KANSL1: variants seen among roughly 807,000 people sequenced by gnomAD.
KANSL1 encodes the protein KAT8 regulatory NSL complex subunit 1, also known as MLL1/MLL complex subunit KANSL1.
KANSL1 carries 22 observed loss-of-function variants against 103.6 expected under a neutral mutation model. The observed-to-expected ratio is 0.21, with a 90% CI of 0.15 to 0.30. The LOEUF (loss-of-function observed/expected upper bound fraction) is 0.30, where lower values mean the gene tolerates loss of function less well. Ranked by LOEUF, KANSL1 falls within the 10% of genes least tolerant of loss-of-function variation. The pLI is 1.00. For missense variants in KANSL1, 1,337 were observed against 1,399.8 expected, an observed-to-expected ratio of 0.96 and a Z score of 0.72; for synonymous variants, 600 against 527.6, an observed-to-expected ratio of 1.14 and a Z score of -1.88.
intron 5 of KANSL1, 117 bp downstream of exon 5, chr17:46,067,432 A>G (rs1020042455): frequency 1.4e-6 from 1 of 709,368 alleles, no homozygotes; most frequent in Non-Finnish European, 2.5e-6. Context: ...AAATGTTACT[A>G]AGTGATAAGG....
upstream of KANSL1, among the ~76,000 whole-genome samples, chr17:46,198,279 TTAAC>T (rs759528501): frequency 6.1e-5 from 9 of 147,364 alleles, no homozygotes; most frequent in Non-Finnish European, 1.2e-4. Flanking sequence ...CCTCTTAAGT[TTAAC>T]TATTATTATT....
intron 13 of KANSL1, 29 bp from the exon 14 acceptor site, chr17:46,032,328 GC>G: frequency 6.7e-7 from 1 of 1,491,472 alleles, no homozygotes; most frequent in Non-Finnish European, 8.9e-7. Context: ...AAATCTGAGT[GC>G]CTGGGAAATG....
At chr17:46,060,590 T>C (rs924090091) in intron 6 of KANSL1, among the ~76,000 whole-genome samples, 1 of 152,188 alleles carries the variant, frequency 6.6e-6, no homozygotes, top group African/African-American at 2.4e-5. Flanking sequence ...CTAACTAGTA[T>C]GAAAAAGTTG....
At chr17:46,099,197 G>A (rs1449204743) in intron 2 of KANSL1, among the ~76,000 whole-genome samples, 5 of 144,608 alleles carry the variant, frequency 3.5e-5, no homozygotes, top group East Asian at 1.9e-4. Context: ...GATGGCGGGC[G>A]CCTGTAGTCC....
chr17:46,047,749 C>A (rs2077562318), intron 7 of KANSL1, among the ~76,000 whole-genome samples: 1 of 148,904 alleles, frequency 6.7e-6, no homozygotes, highest in Non-Finnish European at 1.5e-5. Context: ...GATCACTCCA[C>A]TGAACTCCAG....
At chr17:46,139,292 A>T (rs2044301866) in intron 2 of KANSL1, among the ~76,000 whole-genome samples, 1 of 117,518 alleles carries the variant, frequency 8.5e-6, no homozygotes, top group African/African-American at 3.0e-5. Context: ...AATCTTTCAT[A>T]GGCCAAAAAA....
chr17:46,214,900 T>C (rs2148039428), intron 1 of KANSL1, among the ~76,000 whole-genome samples: 1 of 152,392 alleles, frequency 6.6e-6, no homozygotes, highest in Admixed American at 6.5e-5. Context: ...TAGTATGTCA[T>C]TTAATCTGCA....
chr17:46,134,945 G>A (rs1406730067), intron 2 of KANSL1, among the ~76,000 whole-genome samples: 2 of 152,186 alleles, frequency 1.3e-5, no homozygotes, highest in Non-Finnish European at 2.9e-5. Context: ...CAAAGTGTAG[G>A]GGGGTCTGGA....
At chr17:46,131,649 T>A (rs1167363602) in intron 2 of KANSL1, among the ~76,000 whole-genome samples, 1 of 152,146 alleles carries the variant, frequency 6.6e-6, no homozygotes, top group Non-Finnish European at 1.5e-5. Flanking sequence ...AAGCTCCACA[T>A]CCTCAAGAAG....
At chr17:46,106,782 TTTG>T (rs2042585979) in intron 2 of KANSL1, among the ~76,000 whole-genome samples, 1 of 152,198 alleles carries the variant, frequency 6.6e-6, no homozygotes, top group Admixed American at 6.5e-5. Context: ...CAAAAATTAA[TTTG>T]TTAATAAACT....
Position 46,171,645 on chromosome 17 carries a change from G to A in KANSL1, c.499C>T (p.His167Tyr), listed in dbSNP as rs1336560951. Residue 167 changes from histidine to tyrosine, a missense_variant, in exon 2 of 15, where the codon CAT (histidine) becomes TAT (tyrosine). His to Tyr is a moderately conservative substitution (Grantham distance 83). Around this residue, in one of 2 missense-constraint regions of KANSL1, gnomAD observed 557 missense variants for 476.4 expected, o/e 1.17. Transcript: ENST00000432791. ...GAAGTGGAATTGTCATGATCAGAAT[G>A]TGTTGAACTTTTAGTCAATTTCTTA... ...LAKKLTKSST[H>Y]SDHDNSTSLN... 7 of 1,557,502 alleles carry A rather than the reference G, an allele frequency of 4.5e-6. No homozygotes were observed. Among genetic ancestry groups the A allele is most frequent in the South Asian group, 1.2e-5 (1 of 82,088 alleles).
intron 6 of KANSL1, among the ~76,000 whole-genome samples, chr17:46,052,682 C>T (rs889854404): frequency 9.4e-5 from 14 of 149,514 alleles, no homozygotes; most frequent in African/African-American, 3.2e-4. Context: ...TGGTGGCTCA[C>T]AACTGTAATC....
intron 2 of KANSL1, among the ~76,000 whole-genome samples, chr17:46,150,325 T>A (rs909650440): frequency 6.6e-6 from 1 of 152,162 alleles, no homozygotes; most frequent in African/African-American, 2.4e-5. Flanking sequence ...AAAATCCATC[T>A]ATCCTCTAAG....
chr17:46,082,491 A>G lies in KANSL1; in HGVS notation c.1483T>C (p.Phe495Leu), dbSNP rs757581698. Residue 495 changes from phenylalanine (F) to leucine (L), a missense_variant, in exon 4 of 15, where the codon TTT becomes CTT. Transcript: ENST00000432791. The stretch of plus-strand genomic sequence containing the variant: ...TTCACCTCAGAACTAAGTGGAAGAA[A>G]TAAGTCTGTTGTATGCTCTGGGGGA... ...VPPPEHTTDLFLPLSSEVKTD... is the reference protein window; with the variant it reads ...VPPPEHTTDLLLPLSSEVKTD... 8.7e-6 allele frequency: 14 copies of G among 1,612,786 alleles called. No homozygotes were observed. The South Asian group carries it at 1.4e-4, about 16-fold the overall frequency.
intron 1 of KANSL1, among the ~76,000 whole-genome samples, chr17:46,214,760 T>C (rs2668695): frequency 0.14 from 21,961 of 152,164 alleles, 2,137 homozygotes; most frequent in Non-Finnish European, 0.22. Flanking sequence ...TGGAGCAAAC[T>C]AGCAATCAGT....
rs1185784828 is a variant in KANSL1 at position 46,091,313 on chromosome 17, TTG to T, written c.1431+3245_1431+3246del. Among the ~76,000 whole-genome samples the T allele has an allele frequency of 2.0e-5, 3 of 152,252 alleles. No individual in the cohort carries two copies. In the South Asian group the frequency reaches 6.2e-4, roughly 31 times the overall value. On this transcript the variant is annotated intron_variant, in intron 3 of 14. Coordinates refer to ENST00000432791, the MANE Select transcript of KANSL1 (RefSeq NM_015443.4). Reference sequence around the variant, plus strand: ...ATATTTTTGTACAATTACAATGTATTTGTGTTTTAGGCTAAGTGTTATTACAA... The same window carrying T: ...ATATTTTTGTACAATTACAATGTATTTGTTTTAGGCTAAGTGTTATTACAA...
At chr17:46,217,858 CTACAAAAAA>C (rs1360207370) in intron 1 of KANSL1, among the ~76,000 whole-genome samples, 1 of 152,278 alleles carries the variant, frequency 6.6e-6, no homozygotes, top group Non-Finnish European at 1.5e-5. Flanking sequence ...AACCCTGTTT[CTACAAAAAA>C]TACAAAAAAT....
intron 2 of KANSL1, among the ~76,000 whole-genome samples, chr17:46,115,203 G>A (rs2042989968): frequency 6.6e-6 from 1 of 151,924 alleles, no homozygotes; most frequent in South Asian, 2.1e-4. Context: ...GGGATTACAC[G>A]CGCCTGCCAC....
chr17:46,151,190 G>T, intron 2 of KANSL1, among the ~76,000 whole-genome samples: 1 of 152,204 alleles, frequency 6.6e-6, no homozygotes. Flanking sequence ...AAACAACGAT[G>T]CTTACAACAG....
Sources: allele counts gnomAD v4.1 joint callset (sites outside exome capture counted in the v4.1 genomes callset), GRCh38; gene constraint gnomAD v4.1.1; regional missense constraint gnomAD v4.1.1; transcripts MANE v1.5; gene names NCBI Gene and HGNC (gene_info 2026-07-23, HGNC 2026-07-21).